SH3GL2: variants seen among roughly 807,000 people sequenced by gnomAD.
The protein encoded by SH3GL2 is SH3 domain containing GRB2 like 2, endophilin A1.
Under a neutral mutation model 46.0 loss-of-function variants are expected in SH3GL2, and 24 were observed. The ratio of observed to expected loss-of-function variants is 0.52; its 90% CI spans 0.38 to 0.73. The LOEUF (loss-of-function observed/expected upper bound fraction) is 0.73. Ranked by LOEUF, SH3GL2 falls within the 30% of genes least tolerant of loss-of-function variation. SH3GL2 has a pLI of 0.00. For synonymous variants in SH3GL2, 196 were observed against 147.1 expected (o/e 1.33, Z -2.40); for missense variants, 413 against 424.2 (o/e 0.97, Z 0.23).
intron 1 of SH3GL2, among the ~76,000 whole-genome samples, chr9:17,662,010 A>G (rs544101926): frequency 1.4e-4 from 21 of 152,296 alleles, no homozygotes; most frequent in African/African-American, 5.1e-4. Flanking sequence ...TGGAGAATAT[A>G]CCCAGTATAA....
At chr9:17,681,820 A>G (rs915067330) in intron 1 of SH3GL2, among the ~76,000 whole-genome samples, 1 of 152,184 alleles carries the variant, frequency 6.6e-6, no homozygotes, top group African/African-American at 2.4e-5. Flanking sequence ...CAAAGGTATA[A>G]TATCCAGAAT....
rs559842403 is a variant in SH3GL2 at position 17,662,703 on chromosome 9, CTTTTTTT to C, written c.45+83433_45+83439del. On this transcript the variant is annotated intron_variant, in intron 1 of 8. Transcript: ENST00000380607. ...CATGCTTTCAGTTTTTTGGCCAAGTCTTTTTTTTTTTTTTTTTTTTTTTGAGACAGAG... is the reference window on the plus strand; with the variant it reads ...CATGCTTTCAGTTTTTTGGCCAAGTCTTTTTTTTTTTTTTTTGAGACAGAG... Among the ~76,000 whole-genome samples, 4 of 96,944 alleles carry C rather than the reference CTTTTTTT, an allele frequency of 4.1e-5. No homozygotes were observed. The East Asian group carries it at 9.6e-4, about 23-fold the overall frequency. 63.6% of individuals were successfully genotyped at this position (96,944 alleles called of 152,430 possible).
chr9:17,602,501 T>C (rs1388412575), intron 1 of SH3GL2, among the ~76,000 whole-genome samples: 1 of 152,176 alleles, frequency 6.6e-6, no homozygotes, highest in Non-Finnish European at 1.5e-5. Flanking sequence ...CACCCCCATC[T>C]CCAGGAGATT....
chr9:17,663,405 C>T (rs1222438801), intron 1 of SH3GL2, among the ~76,000 whole-genome samples: 1 of 152,002 alleles, frequency 6.6e-6, no homozygotes, highest in African/African-American at 2.4e-5. Context: ...AAATTATTTT[C>T]CCTCTACTGG....
chr9:17,682,240 A>G (rs1279091395), intron 1 of SH3GL2, among the ~76,000 whole-genome samples: 2 of 152,130 alleles, frequency 1.3e-5, no homozygotes, highest in Non-Finnish European at 2.9e-5. Context: ...AAATCATTCT[A>G]CCCTAAAGAC....
intron 1 of SH3GL2, among the ~76,000 whole-genome samples, chr9:17,687,743 C>A (rs1482712832): frequency 6.6e-6 from 1 of 151,964 alleles, no homozygotes; most frequent in Admixed American, 6.6e-5. Flanking sequence ...CATTATTTTG[C>A]TGACTCTGAT....
chr9:17,744,984 C>T (rs1375754356), intron 1 of SH3GL2, among the ~76,000 whole-genome samples: 2 of 152,150 alleles, frequency 1.3e-5, no homozygotes, highest in Admixed American at 6.5e-5. Context: ...TCCAGCACCA[C>T]GGACAGCTCT....
At chr9:17,729,406 C>T (rs906792586) in intron 1 of SH3GL2, among the ~76,000 whole-genome samples, 53 of 152,112 alleles carry the variant, frequency 3.5e-4, no homozygotes, top group Middle Eastern at 3.4e-3. Flanking sequence ...TCCCCCATTC[C>T]GTAGGTTGCC....
At chr9:17,779,471 T>C (rs1245345908) in intron 3 of SH3GL2, among the ~76,000 whole-genome samples, 2 of 152,112 alleles carry the variant, frequency 1.3e-5, no homozygotes, top group Non-Finnish European at 2.9e-5. Context: ...TTCCAGGCTC[T>C]CTGAGGTTCC....
intron 3 of SH3GL2, among the ~76,000 whole-genome samples, chr9:17,782,894 C>T (rs75348795): frequency 6.6e-6 from 1 of 152,170 alleles, no homozygotes; most frequent in Non-Finnish European, 1.5e-5. Context: ...AGTATTAGGG[C>T]TGCTGCTTCA....
At chr9:17,725,204 T>C (rs1185761958) in intron 1 of SH3GL2, among the ~76,000 whole-genome samples, 1 of 152,162 alleles carries the variant, frequency 6.6e-6, no homozygotes, top group Non-Finnish European at 1.5e-5. Context: ...TGCTGATGGA[T>C]CTGTGTACGA....
At chr9:17,613,265 G>A (rs1474420928) in intron 1 of SH3GL2, among the ~76,000 whole-genome samples, 2 of 152,144 alleles carry the variant, frequency 1.3e-5, no homozygotes, top group Non-Finnish European at 2.9e-5. Flanking sequence ...CAAAACATTA[G>A]TATTTTCCAT....
intron 2 of SH3GL2, among the ~76,000 whole-genome samples, chr9:17,760,055 A>G (rs183738421): frequency 1.3e-5 from 2 of 152,282 alleles, no homozygotes; most frequent in African/African-American, 2.4e-5. Flanking sequence ...TGGCTTCACA[A>G]GTTGTGTACT....
intron 1 of SH3GL2, among the ~76,000 whole-genome samples, chr9:17,685,785 C>T (rs1820889318): frequency 6.6e-6 from 1 of 151,958 alleles, no homozygotes; most frequent in South Asian, 2.1e-4. Flanking sequence ...TCTGAGGGCT[C>T]TGTTCTGTTC....
chr9:17,682,828 A>G (rs796684042), intron 1 of SH3GL2, among the ~76,000 whole-genome samples: 31 of 152,248 alleles, frequency 2.0e-4, no homozygotes, highest in African/African-American at 7.2e-4. Flanking sequence ...ATAGTTTGCA[A>G]GTTAACATGA....
intron 4 of SH3GL2, among the ~76,000 whole-genome samples, chr9:17,786,943 G>A (rs1026456367): frequency 3.3e-5 from 5 of 152,128 alleles, no homozygotes; most frequent in Non-Finnish European, 5.9e-5. Flanking sequence ...CCCAAGGTGA[G>A]ACATGATTTA....
At chr9:17,595,031 G>T (rs879388784) in intron 1 of SH3GL2, among the ~76,000 whole-genome samples, 2 of 152,118 alleles carry the variant, frequency 1.3e-5, no homozygotes, top group Non-Finnish European at 2.9e-5. Flanking sequence ...CAAATGGCTA[G>T]CCTAGGTACT....
intron 1 of SH3GL2, among the ~76,000 whole-genome samples, chr9:17,699,288 C>T (rs1821286990): frequency 6.6e-6 from 1 of 151,914 alleles, no homozygotes; most frequent in Non-Finnish European, 1.5e-5. Flanking sequence ...TACTATTAGA[C>T]TTCTGTGCAA....
intron 1 of SH3GL2, among the ~76,000 whole-genome samples, chr9:17,742,122 T>G (rs1378305647): frequency 6.6e-6 from 1 of 152,186 alleles, no homozygotes; most frequent in Non-Finnish European, 1.5e-5. Context: ...AAATTTGGTC[T>G]TAAGTCTATT....
Sources: allele counts gnomAD v4.1 joint callset (sites outside exome capture counted in the v4.1 genomes callset), GRCh38; gene constraint gnomAD v4.1.1; transcripts MANE v1.5; gene names NCBI Gene and HGNC (gene_info 2026-07-23, HGNC 2026-07-21).